Variants in DCLK1 observed in about 807,000 individuals in gnomAD.
DCLK1 encodes the protein serine/threonine-protein kinase DCLK1.
In DCLK1, 16 loss-of-function variants were observed where a neutral mutation model predicts 86.2. That is an observed-to-expected ratio of 0.19 (90% CI 0.13 to 0.28). The LOEUF is 0.28. DCLK1 is among the 10% of genes least tolerant of loss of function. The probability of loss-of-function intolerance (pLI) is 1.00; values close to 1 mark genes in which losing one functional copy is unlikely to be tolerated. For missense variants in DCLK1, 590 were observed against 940.2 expected (o/e 0.63, Z 4.87); for synonymous variants, 369 against 370.5 (o/e 1.00, Z 0.05).
chr13:35,890,782 C>T (rs936798000), intron 4 of DCLK1, among the ~76,000 whole-genome samples: 1 of 151,866 alleles, frequency 6.6e-6, no homozygotes, highest in East Asian at 1.9e-4. Context: ...CTTTTCTTTA[C>T]TACTTAGTAA....
At chr13:36,115,595 A>T (rs1885756694) in intron 2 of DCLK1, among the ~76,000 whole-genome samples, 1 of 152,034 alleles carries the variant, frequency 6.6e-6, no homozygotes, top group South Asian at 2.1e-4. Context: ...TCTTCACTTG[A>T]AATGTAATAC....
intron 3 of DCLK1, among the ~76,000 whole-genome samples, chr13:36,045,297 C>G (rs1882842206): frequency 9.2e-6 from 1 of 108,880 alleles, no homozygotes; most frequent in African/African-American, 3.4e-5. Flanking sequence ...TAATAATCGT[C>G]TAATATATAT....
chr13:35,856,346 G>T (rs938703814), intron 5 of DCLK1, among the ~76,000 whole-genome samples: 1 of 152,200 alleles, frequency 6.6e-6, no homozygotes, highest in Non-Finnish European at 1.5e-5. Flanking sequence ...AAGGATTAAA[G>T]ACAAGGGCAG....
chr13:36,121,651 G>T (rs1288836939), intron 2 of DCLK1, among the ~76,000 whole-genome samples: 1 of 152,020 alleles, frequency 6.6e-6, no homozygotes. Context: ...TTTATCATAG[G>T]TATGTATTCA....
intron 16 of DCLK1, among the ~76,000 whole-genome samples, chr13:35,779,980 C>T (rs77866991): frequency 7.2e-6 from 1 of 139,698 alleles, no homozygotes; most frequent in Non-Finnish European, 1.5e-5. Context: ...TTCTTCCCCG[C>T]CCCTGAAAAA....
intron 6 of DCLK1, chr13:35,848,539 C>T (rs1173808267): frequency 1.0e-6 from 1 of 985,096 alleles, no homozygotes; most frequent in Non-Finnish European, 1.2e-6. Context: ...GAAAGTTGGC[C>T]ATGATATCTA....
At chr13:36,129,472 G>C (rs1886294147) in intron 1 of DCLK1, among the ~76,000 whole-genome samples, 1 of 152,198 alleles carries the variant, frequency 6.6e-6, no homozygotes, top group African/African-American at 2.4e-5. Flanking sequence ...ACCATACTCA[G>C]AGTGAAATCA....
intron 3 of DCLK1, among the ~76,000 whole-genome samples, chr13:35,955,842 A>G (rs1370786962): frequency 6.6e-6 from 1 of 152,176 alleles, no homozygotes; most frequent in Non-Finnish European, 1.5e-5. Flanking sequence ...CAGTGCTGAT[A>G]CTAGTAAGGC....
chr13:35,870,512 CT>C (rs1872190610), intron 5 of DCLK1, among the ~76,000 whole-genome samples: 1 of 152,220 alleles, frequency 6.6e-6, no homozygotes. Flanking sequence ...GTAACAATCA[CT>C]TTGACATTTG....
rs190624228 is a variant in DCLK1 at position 35,976,688 on chromosome 13, G to A, written c.724-29231C>T. ...TGGGACTACAGGCGCCCGCCACTGC[G>A]CCCGGCTAATTTTTTTTTTGTATTT... On this transcript the variant is annotated intron_variant, in intron 3 of 16. Coordinates refer to ENST00000360631, the MANE Select transcript of DCLK1 (RefSeq NM_001330071.2). Among the ~76,000 whole-genome samples the A allele has an allele frequency of 5.4e-3, 822 of 151,630 alleles. 5 individuals are homozygous for A. The highest frequency in any genetic ancestry group is 0.019 in the African/African-American group (794 of 41,344).
chr13:35,841,469 G>A (rs1593650047), intron 6 of DCLK1, among the ~76,000 whole-genome samples: 1 of 151,788 alleles, frequency 6.6e-6, no homozygotes, highest in Non-Finnish European at 1.5e-5. Context: ...TGCCAGCTGG[G>A]TTTTCTCTGC....
At chr13:35,881,203 A>G (rs897609233) in intron 4 of DCLK1, among the ~76,000 whole-genome samples, 9 of 152,222 alleles carry the variant, frequency 5.9e-5, no homozygotes, top group Admixed American at 3.3e-4. Flanking sequence ...CTCTAGTAAC[A>G]TTCCAGGAAG....
intron 4 of DCLK1, among the ~76,000 whole-genome samples, chr13:35,887,164 C>T (rs376576059): frequency 1.3e-5 from 2 of 152,198 alleles, no homozygotes; most frequent in Non-Finnish European, 2.9e-5. Context: ...TACTTGCTAA[C>T]GATGCTACAT....
At chr13:36,011,477 GT>G (rs1881267172) in intron 3 of DCLK1, among the ~76,000 whole-genome samples, 1 of 127,568 alleles carries the variant, frequency 7.8e-6, no homozygotes, top group Admixed American at 8.1e-5. Context: ...CCTTCATTTC[GT>G]TATGTACCCA....
At chr13:36,069,826 ATAATC>A (rs1883899172) in intron 3 of DCLK1, among the ~76,000 whole-genome samples, 1 of 152,218 alleles carries the variant, frequency 6.6e-6, no homozygotes, top group Non-Finnish European at 1.5e-5. Context: ...CACAATGCAT[ATAATC>A]TAAACATTTT....
chr13:36,069,364 C>T (rs887523060), intron 3 of DCLK1, among the ~76,000 whole-genome samples: 2 of 152,128 alleles, frequency 1.3e-5, no homozygotes, highest in African/African-American at 4.8e-5. Flanking sequence ...GAAATAAAGA[C>T]AAGAAGTGAA....
rs909601078 is a variant in DCLK1, at chr13:35,819,811, C to T, written c.1554+2918G>A. On this transcript the variant is annotated intron_variant, in intron 11 of 16. Transcript: ENST00000360631. Reference sequence around the variant, plus strand: ...AAAAAGGGTTAAAAAGTGATTTTCACTACATATATTATCGTTAGGCAGTTT... The same window carrying T: ...AAAAAGGGTTAAAAAGTGATTTTCATTACATATATTATCGTTAGGCAGTTT... Among the ~76,000 whole-genome samples the T allele has an allele frequency of 9.3e-4, 141 of 151,898 alleles. 1 individual carries two copies. Among genetic ancestry groups the T allele is most frequent in the African/African-American group, 3.2e-3 (134 of 41,344 alleles).
chr13:35,904,455 G>C (rs1406058788), intron 4 of DCLK1, among the ~76,000 whole-genome samples: 1 of 152,206 alleles, frequency 6.6e-6, no homozygotes, highest in Non-Finnish European at 1.5e-5. Context: ...ACCTCCCAAA[G>C]TGCTGAGATT....
At chr13:35,958,284 G>GCTATAACCACCACCACCACCACCACCA in intron 3 of DCLK1, among the ~76,000 whole-genome samples, 6 of 7,370 alleles carry the variant, frequency 8.1e-4, no homozygotes, top group South Asian at 5.3e-3. Context: ...CACCATCACT[G>GCTATAACCACCACCACCACCACCACCA]CCACTATAAC....
Sources: allele counts gnomAD v4.1 joint callset (sites outside exome capture counted in the v4.1 genomes callset), GRCh38; gene constraint gnomAD v4.1.1; transcripts MANE v1.5; gene names NCBI Gene and HGNC (gene_info 2026-07-23, HGNC 2026-07-21).